SDK1: variants seen among roughly 807,000 people sequenced by gnomAD.
SDK1 encodes the protein sidekick cell adhesion molecule 1, also known as protein sidekick-1.
In SDK1, 157 loss-of-function variants were observed where a neutral mutation model predicts 245.5. The observed-to-expected ratio is 0.64, with a 90% CI of 0.56 to 0.73. The LOEUF is 0.73. Ranked by LOEUF, SDK1 falls within the 30% of genes least tolerant of loss-of-function variation. SDK1 has a pLI of 0.00. For synonymous variants in SDK1, 1,647 were observed against 1,278.5 expected (o/e 1.29, Z -6.15); for missense variants, 3,583 against 3,002.3 (o/e 1.19, Z -4.52).
chr7:4,160,226 G>A (rs956468128), intron 31 of SDK1, among the ~76,000 whole-genome samples: 2 of 152,198 alleles, frequency 1.3e-5, no homozygotes, highest in African/African-American at 2.4e-5. Flanking sequence ...TTGAGGTAAT[G>A]TTTGCAACTA....
intron 1 of SDK1, among the ~76,000 whole-genome samples, chr7:3,397,848 T>C (rs1054092729): frequency 3.7e-4 from 56 of 152,256 alleles, no homozygotes; most frequent in African/African-American, 1.1e-3. Context: ...ATTAGAGCTT[T>C]TGGCATATTA....
chr7:3,828,313 A>C (rs185138985), intron 5 of SDK1, among the ~76,000 whole-genome samples: 1 of 151,976 alleles, frequency 6.6e-6, no homozygotes, highest in African/African-American at 2.4e-5. Flanking sequence ...ATAAATTACT[A>C]TATGACTTTT....
chr7:3,655,414 C>G (rs1305376776), intron 4 of SDK1, among the ~76,000 whole-genome samples: 1 of 131,594 alleles, frequency 7.6e-6, no homozygotes, highest in Non-Finnish European at 1.6e-5. Flanking sequence ...GCCTGGGCAA[C>G]AAGAGCGCAA....
At chr7:3,939,601 G>A (rs1780282400) in intron 5 of SDK1, among the ~76,000 whole-genome samples, 1 of 152,138 alleles carries the variant, frequency 6.6e-6, no homozygotes, top group African/African-American at 2.4e-5. Flanking sequence ...TCTCCCTGCT[G>A]CCTGCACGTC....
intron 13 of SDK1, among the ~76,000 whole-genome samples, chr7:3,981,627 C>G (rs1342296194): frequency 6.6e-6 from 1 of 152,178 alleles, no homozygotes; most frequent in East Asian, 1.9e-4. Flanking sequence ...GTGAAACAGT[C>G]TTATTGCTGA....
chr7:3,997,246 GAAT>G (rs1361337619), intron 14 of SDK1, among the ~76,000 whole-genome samples: 1 of 152,200 alleles, frequency 6.6e-6, no homozygotes, highest in East Asian at 1.9e-4. Context: ...TATCCAGGAA[GAAT>G]AAGGTTCACA....
intron 1 of SDK1, among the ~76,000 whole-genome samples, chr7:3,618,218 C>T (rs1363621952): frequency 2.6e-5 from 4 of 152,082 alleles, no homozygotes; most frequent in Non-Finnish European, 5.9e-5. Flanking sequence ...TCTCCATTTT[C>T]ACAAAGTAAA....
intron 1 of SDK1, among the ~76,000 whole-genome samples, chr7:3,362,216 C>G (rs971817825): frequency 6.6e-6 from 1 of 152,020 alleles, no homozygotes; most frequent in African/African-American, 2.4e-5. Flanking sequence ...ATTTGGTGGC[C>G]GACTACGACA....
At chr7:3,666,966 C>T (rs1224769410) in intron 4 of SDK1, among the ~76,000 whole-genome samples, 24 of 151,060 alleles carry the variant, frequency 1.6e-4, no homozygotes, top group Admixed American at 1.5e-3. Flanking sequence ...TTTTTATTTA[C>T]TTTTTTTTTA....
At chr7:3,534,632 A>G (rs1171895204) in intron 1 of SDK1, among the ~76,000 whole-genome samples, 1 of 150,502 alleles carries the variant, frequency 6.6e-6, no homozygotes, top group East Asian at 1.9e-4. Flanking sequence ...TTCCTTTTTT[A>G]TTTCTCTCGG....
At chr7:3,418,577 C>T (rs1014203363) in intron 1 of SDK1, among the ~76,000 whole-genome samples, 2 of 152,110 alleles carry the variant, frequency 1.3e-5, no homozygotes, top group African/African-American at 4.8e-5. Flanking sequence ...TGAAACATAG[C>T]CTTAAATGAC....
chr7:3,486,857 G>T (rs767543719), intron 1 of SDK1, among the ~76,000 whole-genome samples: 9 of 152,022 alleles, frequency 5.9e-5, no homozygotes, highest in Non-Finnish European at 8.8e-5. Context: ...ATAAGAGGGT[G>T]CATTACTCTC....
rs551740361 is a variant in SDK1 at position 4,247,689 on chromosome 7, C to T, written c.6381+1884C>T. Among the ~76,000 whole-genome samples, 518 of 152,300 alleles carry T rather than the reference C, an allele frequency of 3.4e-3. 4 individuals carry two copies. The highest frequency in any genetic ancestry group is 0.012 in the African/African-American group (498 of 41,568). Reference sequence around the variant, plus strand: ...GGGTGGTTCCTGTGTGCTGAGCGCTCGCTGCTGTGTGTTTCCAGCACTCAC... The same window carrying T: ...GGGTGGTTCCTGTGTGCTGAGCGCTTGCTGCTGTGTGTTTCCAGCACTCAC... On this transcript the variant is annotated intron_variant, in intron 44 of 44. Coordinates refer to ENST00000404826, the MANE Select transcript of SDK1 (RefSeq NM_152744.4).
chr7:3,935,502 A>G (rs1398562803), intron 5 of SDK1, among the ~76,000 whole-genome samples: 34 of 152,216 alleles, frequency 2.2e-4, no homozygotes, highest in Non-Finnish European at 2.9e-5. Flanking sequence ...TAAAATCGAG[A>G]CTATACACAG....
Position 4,049,393 on chromosome 7 carries a change from C to T in SDK1, c.2648C>T (p.Ser883Phe). Residue 883 changes from serine to phenylalanine, a missense_variant, in exon 18 of 45, where the codon TCC becomes TTC. By Grantham distance (155) the Ser-to-Phe change is radical. Coordinates refer to ENST00000404826, the MANE Select transcript of SDK1 (RefSeq NM_152744.4). Reference sequence around the variant, plus strand: ...AACGTGCAGACGGAAGCCGTGAACTCCACCACCATTCAGTTCCTGTGGAAC... The same window carrying T: ...AACGTGCAGACGGAAGCCGTGAACTTCACCACCATTCAGTTCCTGTGGAAC... ...PQNVQTEAVN[S>F]TTIQFLWNPP... 6.2e-7 allele frequency: 1 copy of T among 1,614,178 alleles called. No homozygotes were observed. The highest frequency in any genetic ancestry group is 1.1e-5 in the South Asian group (1 of 91,080).
chr7:4,020,767 T>A (rs998688977), intron 17 of SDK1, among the ~76,000 whole-genome samples: 42 of 152,192 alleles, frequency 2.8e-4, no homozygotes, highest in African/African-American at 1.0e-3. Flanking sequence ...CCATATTTAC[T>A]ACTAATGTGC....
chr7:3,329,583 G>C (rs1226298898), intron 1 of SDK1, among the ~76,000 whole-genome samples: 1 of 152,148 alleles, frequency 6.6e-6, no homozygotes, highest in African/African-American at 2.4e-5. Context: ...CGTCTCTATA[G>C]ATTTGCCTTT....
intron 17 of SDK1, among the ~76,000 whole-genome samples, chr7:4,042,959 G>C (rs57171458): frequency 0.24 from 36,201 of 152,194 alleles, 6,006 homozygotes; most frequent in African/African-American, 0.48. Flanking sequence ...TAAAAGCAAG[G>C]TTGGCGATTT....
chr7:3,472,077 T>C (rs1319049533), intron 1 of SDK1, among the ~76,000 whole-genome samples: 2 of 152,314 alleles, frequency 1.3e-5, no homozygotes, highest in African/African-American at 4.8e-5. Flanking sequence ...TGGTATTGTT[T>C]GCAGGTCCTT....
Sources: allele counts gnomAD v4.1 joint callset (sites outside exome capture counted in the v4.1 genomes callset), GRCh38; gene constraint gnomAD v4.1.1; transcripts MANE v1.5; gene names NCBI Gene and HGNC (gene_info 2026-07-23, HGNC 2026-07-21).